SYNPO2: variants seen among roughly 807,000 people sequenced by gnomAD.
SYNPO2 encodes the protein synaptopodin 2, also known as synaptopodin-2.
Under a neutral mutation model 85.0 loss-of-function variants are expected in SYNPO2, and 56 were observed. That is an observed-to-expected ratio of 0.66 (90% confidence interval 0.53 to 0.82). The LOEUF (loss-of-function observed/expected upper bound fraction) is 0.82. Among genes scored for constraint, SYNPO2 ranks in the 40% least tolerant of loss-of-function variants. The probability of loss-of-function intolerance (pLI) is 0.00; values close to 1 mark genes in which losing one functional copy is unlikely to be tolerated. For missense variants in SYNPO2, 1,575 were observed against 1,534.2 expected (o/e 1.03, Z -0.44); for synonymous variants, 602 against 591.1 (o/e 1.02, Z -0.27).
upstream of SYNPO2, among the ~76,000 whole-genome samples, chr4:118,887,202 T>TGC (rs1553935366): frequency 1.3e-5 from 2 of 149,536 alleles, no homozygotes; most frequent in Non-Finnish European, 3.0e-5. Context: ...TGTGTGTGTG[T>TGC]GCACCCTCTG....
intron 1 of SYNPO2, among the ~76,000 whole-genome samples, chr4:119,005,361 G>A (rs1370084737): frequency 6.6e-6 from 1 of 152,024 alleles, no homozygotes. Flanking sequence ...ATGGTTTTAG[G>A]TCTAACATTA....
In SYNPO2 at chr4:118,994,745, T is replaced by C. The variant is rs537215331; in HGVS notation, c.106-28685T>C. Among the ~76,000 whole-genome samples, 5 of 152,322 alleles carry C rather than the reference T, an allele frequency of 3.3e-5. No individual in the cohort carries two copies. In the South Asian group the frequency reaches 8.3e-4, roughly 25 times the overall value. On this transcript the variant is annotated intron_variant, in intron 1 of 4. Coordinates refer to ENST00000307142, the MANE Select transcript of SYNPO2 (RefSeq NM_133477.3). ...GTGGCATGTTATTCCCATAAACATC[T>C]TGGACATCTAAAGTTAAAAATCGTA...
chr4:118,940,343 C>T (rs1734265250), intron 1 of SYNPO2, among the ~76,000 whole-genome samples: 1 of 152,066 alleles, frequency 6.6e-6, no homozygotes, highest in South Asian at 2.1e-4. Flanking sequence ...AGCATGTGCT[C>T]TTCTAGTTCT....
chr4:118,945,778 G>A (rs974628571), intron 1 of SYNPO2, among the ~76,000 whole-genome samples: 1 of 151,394 alleles, frequency 6.6e-6, no homozygotes, highest in African/African-American at 2.4e-5. Context: ...ATGGAGTCTT[G>A]CTCTGTTGCC....
chr4:118,977,826 C>T (rs975212405), intron 1 of SYNPO2, among the ~76,000 whole-genome samples: 5 of 152,218 alleles, frequency 3.3e-5, no homozygotes, highest in Non-Finnish European at 5.9e-5. Context: ...TTAGCAATCC[C>T]ACTTTTGACA....
At chr4:119,045,393 A>G (rs1029038552) in intron 4 of SYNPO2, among the ~76,000 whole-genome samples, 7 of 152,118 alleles carry the variant, frequency 4.6e-5, no homozygotes, top group Admixed American at 1.3e-4. Context: ...TAAGGCTGCA[A>G]TGAGCTATGA....
intron 1 of SYNPO2, among the ~76,000 whole-genome samples, chr4:118,877,510 A>G (rs1021467569): frequency 2.0e-5 from 3 of 152,230 alleles, no homozygotes; most frequent in Non-Finnish European, 4.4e-5. Flanking sequence ...CAAATTTACA[A>G]GCAAAAACTG....
chr4:118,972,602 C>T (rs190999622), intron 1 of SYNPO2, among the ~76,000 whole-genome samples: 8 of 152,248 alleles, frequency 5.3e-5, no homozygotes, highest in South Asian at 2.1e-4. Flanking sequence ...AGAAGGGAAA[C>T]GAGCAAATTT....
At chr4:118,984,175 C>T (rs1248286366) in intron 1 of SYNPO2, among the ~76,000 whole-genome samples, 1 of 152,156 alleles carries the variant, frequency 6.6e-6, no homozygotes, top group African/African-American at 2.4e-5. Flanking sequence ...TAGCTATTTT[C>T]CAAAACAGTC....
intron 1 of SYNPO2, among the ~76,000 whole-genome samples, chr4:118,974,859 G>C (rs767520096): frequency 1.4e-4 from 21 of 152,038 alleles, no homozygotes; most frequent in Admixed American, 3.3e-4. Flanking sequence ...TCTAATCCAG[G>C]CTCTCATCAC....
At position 118,987,514 on chromosome 4, in the gene SYNPO2, A is replaced by C. The variant is rs1427418265; in HGVS notation, c.106-35916A>C. On this transcript the variant is annotated intron_variant, in intron 1 of 4. Coordinates refer to ENST00000307142, the MANE Select transcript of SYNPO2 (RefSeq NM_133477.3). ...GGCTGATCGACAAAAAATAAAACAAAGTTCCCTGGGTGTGGTGGTGAGTGC... is the reference window on the plus strand; with the variant it reads ...GGCTGATCGACAAAAAATAAAACAACGTTCCCTGGGTGTGGTGGTGAGTGC... 2.0e-5 allele frequency among the ~76,000 whole-genome samples: 3 copies of C among 152,046 alleles called. No homozygotes were observed. In the East Asian group the frequency reaches 5.8e-4, roughly 29 times the overall value.
At chr4:118,988,742 G>A (rs1226640444) in intron 1 of SYNPO2, among the ~76,000 whole-genome samples, 4 of 152,152 alleles carry the variant, frequency 2.6e-5, no homozygotes, top group African/African-American at 9.7e-5. Flanking sequence ...TGTAAGCACA[G>A]CTGTGAGAGC....
intron 1 of SYNPO2, among the ~76,000 whole-genome samples, chr4:118,900,691 CTCTCTCTCTCTCTATATATA>C (rs746539427): frequency 0.061 from 3,115 of 50,836 alleles, 66 homozygotes; most frequent in East Asian, 0.1. Context: ...CTCTCTCTCT[CTCTCTCTCTCTCTATATATA>C]TATATATATA....
chr4:118,975,292 G>A (rs990554128), intron 1 of SYNPO2, among the ~76,000 whole-genome samples: 1 of 152,226 alleles, frequency 6.6e-6, no homozygotes, highest in Non-Finnish European at 1.5e-5. Flanking sequence ...ACTACTGCTA[G>A]AAGGAAGACT....
intron 1 of SYNPO2, among the ~76,000 whole-genome samples, chr4:119,007,229 T>TATATATATATACAC (rs1560971779): frequency 1.2e-4 from 6 of 48,058 alleles, no homozygotes; most frequent in African/African-American, 4.6e-4. Flanking sequence ...TATATATATA[T>TATATATATATACAC]ATATATATAT....
At chr4:119,049,970 C>A (rs1260586105) in intron 4 of SYNPO2, among the ~76,000 whole-genome samples, 3 of 152,056 alleles carry the variant, frequency 2.0e-5, no homozygotes, top group Non-Finnish European at 2.9e-5. Context: ...ATTTAAATGA[C>A]CTTTTCCAAA....
intron 1 of SYNPO2, among the ~76,000 whole-genome samples, chr4:118,920,912 G>A (rs1023062013): frequency 6.9e-6 from 1 of 144,640 alleles, no homozygotes; most frequent in South Asian, 2.2e-4. Context: ...TTTTTTTCTT[G>A]TTAGAGAGAG....
At chr4:118,922,826 C>T (rs914549177) in intron 1 of SYNPO2, among the ~76,000 whole-genome samples, 3 of 152,026 alleles carry the variant, frequency 2.0e-5, no homozygotes, top group South Asian at 2.1e-4. Context: ...TTTCACATTA[C>T]GTTTAGAGAT....
intron 4 of SYNPO2, chr4:119,037,326 C>CTTGG: frequency 7.8e-6 from 10 of 1,276,988 alleles, no homozygotes; most frequent in Non-Finnish European, 8.9e-6. Flanking sequence ...AAAGATTGTA[C>CTTGG]TTGGCCCTGA....
Sources: gnomAD v4.1 joint callset for allele counts (sites outside exome capture counted in the v4.1 genomes callset) on GRCh38, gnomAD v4.1.1 for gene constraint, MANE v1.5 for transcripts, NCBI Gene and HGNC (gene_info 2026-07-23, HGNC 2026-07-21) for gene names.